CNTN4: variants seen among roughly 807,000 people sequenced by gnomAD.
CNTN4 encodes contactin-4.
Under a neutral mutation model 122.5 loss-of-function variants are expected in CNTN4, and 77 were observed. The observed-to-expected ratio is 0.63, with a 90% CI of 0.52 to 0.76. The LOEUF is 0.76. Ranked by LOEUF, CNTN4 falls within the 30% of genes least tolerant of loss-of-function variation. The probability of loss-of-function intolerance (pLI) is 0.00; values close to 1 mark genes in which losing one functional copy is unlikely to be tolerated. For missense variants in CNTN4, 1,256 were observed against 1,259.1 expected (o/e 1.00, Z 0.04); for synonymous variants, 512 against 447.0 (o/e 1.15, Z -1.83).
intron 3 of CNTN4, among the ~76,000 whole-genome samples, chr3:2,474,457 G>A (rs773357889): frequency 5.3e-5 from 8 of 151,990 alleles, no homozygotes; most frequent in African/African-American, 9.7e-5. Flanking sequence ...AAAACATTTC[G>A]CTTTCATTAT....
At chr3:2,462,066 T>A (rs747864636) in intron 3 of CNTN4, among the ~76,000 whole-genome samples, 1 of 152,202 alleles carries the variant, frequency 6.6e-6, no homozygotes, top group African/African-American at 2.4e-5. Context: ...CCAGGTATGC[T>A]GCTGACCATC....
chr3:2,322,931 A>G (rs1310042394), intron 2 of CNTN4, among the ~76,000 whole-genome samples: 1 of 152,098 alleles, frequency 6.6e-6, no homozygotes, highest in African/African-American at 2.4e-5. Flanking sequence ...AGATTGGTGG[A>G]TTTCACATTG....
intron 2 of CNTN4, among the ~76,000 whole-genome samples, chr3:2,211,442 G>A (rs894019579): frequency 3.3e-5 from 5 of 152,090 alleles, no homozygotes; most frequent in African/African-American, 7.2e-5. Context: ...TTTTCCTACC[G>A]TATGCGTTGT....
intron 14 of CNTN4, among the ~76,000 whole-genome samples, chr3:3,024,622 T>C (rs1271203984): frequency 6.6e-6 from 1 of 152,126 alleles, no homozygotes; most frequent in Non-Finnish European, 1.5e-5. Context: ...TCTTTTCCTA[T>C]TTTTAGAAAA....
chr3:2,834,331 G>A (rs775430806), intron 7 of CNTN4, among the ~76,000 whole-genome samples: 1 of 151,868 alleles, frequency 6.6e-6, no homozygotes, highest in South Asian at 2.1e-4. Flanking sequence ...TTGGGAGGCC[G>A]AGGTGGGCAG....
intron 4 of CNTN4, among the ~76,000 whole-genome samples, chr3:2,636,227 T>G (rs1303182598): frequency 6.6e-6 from 1 of 152,150 alleles, no homozygotes; most frequent in Non-Finnish European, 1.5e-5. Context: ...CACCACCTAT[T>G]AGGAGGAAGA....
intron 7 of CNTN4, among the ~76,000 whole-genome samples, chr3:2,845,661 T>C (rs1434052227): frequency 1.3e-5 from 2 of 152,150 alleles, no homozygotes; most frequent in Admixed American, 6.5e-5. Context: ...TACAGACATG[T>C]TGAGAACAGC....
chr3:2,688,883 C>A (rs1431007208), intron 4 of CNTN4, among the ~76,000 whole-genome samples: 3 of 152,090 alleles, frequency 2.0e-5, no homozygotes, highest in Admixed American at 6.5e-5. Flanking sequence ...AAGAACATTG[C>A]AAATGGTGAC....
chr3:2,932,307 G>A (rs1424612811), intron 13 of CNTN4, among the ~76,000 whole-genome samples: 1 of 152,196 alleles, frequency 6.6e-6, no homozygotes, highest in African/African-American at 2.4e-5. Context: ...GAACCCAGAA[G>A]GCGGAGCTTG....
At chr3:2,605,990 C>T (rs2081242235) in intron 4 of CNTN4, among the ~76,000 whole-genome samples, 1 of 152,066 alleles carries the variant, frequency 6.6e-6, no homozygotes, top group Non-Finnish European at 1.5e-5. Context: ...GAGCTAAGGC[C>T]TGAGCCAAGA....
chr3:2,874,771 A>C (rs148978306), intron 8 of CNTN4, among the ~76,000 whole-genome samples: 190 of 152,322 alleles, frequency 1.2e-3, no homozygotes, highest in African/African-American at 4.2e-3. Context: ...TTCCATGAAG[A>C]GTCAGACAAT....
chr3:2,959,372 A>G (rs994261744), intron 13 of CNTN4, among the ~76,000 whole-genome samples: 1 of 152,182 alleles, frequency 6.6e-6, no homozygotes, highest in African/African-American at 2.4e-5. Context: ...GCTCTTTAAA[A>G]ATGTAAACAC....
intron 10 of CNTN4, among the ~76,000 whole-genome samples, chr3:2,900,476 G>A (rs2094161366): frequency 6.6e-6 from 1 of 152,112 alleles, no homozygotes; most frequent in Non-Finnish European, 1.5e-5. Flanking sequence ...TGCATTTAGC[G>A]ATTAAAAGAC....
At chr3:2,104,135 T>C (rs955365619) in intron 2 of CNTN4, among the ~76,000 whole-genome samples, 4 of 152,178 alleles carry the variant, frequency 2.6e-5, no homozygotes, top group African/African-American at 9.7e-5. Context: ...ATTTCCTCTT[T>C]ACTTTCCCTG....
At chr3:2,577,635 G>T (rs1355435134) in intron 4 of CNTN4, among the ~76,000 whole-genome samples, 2 of 152,092 alleles carry the variant, frequency 1.3e-5, no homozygotes, top group African/African-American at 2.4e-5. Flanking sequence ...ATGCCGATAG[G>T]GTTAGAGCTC....
chr3:3,052,646 G>A (rs1453452564), intron 23 of CNTN4, among the ~76,000 whole-genome samples: 1 of 152,180 alleles, frequency 6.6e-6, no homozygotes, highest in Non-Finnish European at 1.5e-5. Context: ...TCCCAGGTAA[G>A]TGAATGTGTT....
chr3:2,969,515 G>GGATTATGATTAT (rs1553710697), intron 13 of CNTN4, among the ~76,000 whole-genome samples: 9,962 of 143,666 alleles, frequency 0.069, 1,162 homozygotes, highest in African/African-American at 0.24. Context: ...AGGAAAATTG[G>GGATTATGATTAT]GATTATTATT....
intron 4 of CNTN4, among the ~76,000 whole-genome samples, chr3:2,665,354 G>A (rs893746139): frequency 6.6e-6 from 1 of 152,096 alleles, no homozygotes; most frequent in African/African-American, 2.4e-5. Flanking sequence ...CTTTTTCTGT[G>A]GGATGCATTT....
rs113522938 is a variant in CNTN4, at chr3:2,152,719, C to T, written c.-145+52080C>T. On this transcript the variant is annotated intron_variant, in intron 2 of 24. Transcript: ENST00000418658. ...CAGGAGACACCCACCGTTCCCAGGG[C>T]GTAGTTCTGTATCTGCCTTCCTGAG... Among the ~76,000 whole-genome samples the T allele has an allele frequency of 4.8e-3, 736 of 152,218 alleles. 2 individuals carry two copies. The highest frequency in any genetic ancestry group is 6.7e-3 in the African/African-American group (277 of 41,544).
Sources: gnomAD v4.1 joint callset for allele counts (sites outside exome capture counted in the v4.1 genomes callset) on GRCh38, gnomAD v4.1.1 for gene constraint, MANE v1.5 for transcripts, NCBI Gene and HGNC (gene_info 2026-07-23, HGNC 2026-07-21) for gene names.